ANGEL1: variants seen among roughly 807,000 people sequenced by gnomAD.
The protein encoded by ANGEL1 is RNA 2',3'-cyclic phosphatase ANGEL1.
ANGEL1 carries 62 observed loss-of-function variants against 76.4 expected under a neutral mutation model. That is an observed-to-expected ratio of 0.81 (90% CI 0.66 to 1.00). The LOEUF (loss-of-function observed/expected upper bound fraction) is 1.00. Ranked by LOEUF, ANGEL1 falls within the 50% of genes least tolerant of loss-of-function variation. The probability of loss-of-function intolerance (pLI) is 0.00; values close to 1 mark genes in which losing one functional copy is unlikely to be tolerated. For missense variants in ANGEL1, 737 were observed against 836.7 expected (o/e 0.88, Z 1.47); for synonymous variants, 340 against 331.7 (o/e 1.03, Z -0.27).
intron 7 of ANGEL1, among the ~76,000 whole-genome samples, chr14:76,796,617 A>T (rs1207945789): frequency 2.6e-5 from 4 of 152,058 alleles, no homozygotes; most frequent in Non-Finnish European, 5.9e-5. Context: ...ATCAATTCCT[A>T]AGAATTTCCT....
intron 7 of ANGEL1, among the ~76,000 whole-genome samples, chr14:76,796,240 A>AT (rs963242473): frequency 8.2e-5 from 12 of 147,200 alleles, no homozygotes; most frequent in East Asian, 2.0e-4. Context: ...AGTTCATAGT[A>AT]TTTTTTTTCT....
chr14:76,799,278 C>CTTTTTTT lies in ANGEL1; in HGVS notation c.1618+4086_1618+4092dup, dbSNP rs71122579. ...CTCGTTGTACTCCATTCATGGCCTC[C>CTTTTTTT]TTTTTTTTTTTTTTTTTTTTTTTTT... is the stretch of plus-strand genomic sequence containing the variant. On this transcript the variant is annotated intron_variant, in intron 7 of 9. Transcript: ENST00000251089. Among the ~76,000 whole-genome samples, 309 of 52,386 alleles carry CTTTTTTT rather than the reference C, an allele frequency of 5.9e-3. 54 individuals are homozygous for CTTTTTTT. The highest frequency in any genetic ancestry group is 0.022 in the East Asian group (30 of 1,368). The allele number at this position is 52,386 out of a possible 152,430, so 34.4% of individuals were successfully genotyped here.
At chr14:76,812,350 G>C in intron 1 of ANGEL1, 1 of 1,026,164 alleles carries the variant, frequency 9.7e-7, no homozygotes, top group Non-Finnish European at 1.2e-6. Context: ...AAACCTCCCA[G>C]AGCCGACCCG....
At chr14:76,809,024 T>G in intron 2 of ANGEL1, 35 bp downstream of exon 2, 1 of 1,570,658 alleles carries the variant, frequency 6.4e-7, no homozygotes, top group Non-Finnish European at 8.7e-7. Context: ...AGACACCCTG[T>G]TCCCTTGGCT....
Position 76,806,561 on chromosome 14 carries a change from G to A in ANGEL1, c.1235C>T (p.Ala412Val), listed in dbSNP as rs780674682. ...CAGTCTGGCCACCTTGTCCACTTCC[G>A]CCAGGAGAATGGCCATCTGGGCCAG... Reference protein sequence around the residue: ...VKLAQMAILLAEVDKVARLSD... With the variant: ...VKLAQMAILLVEVDKVARLSD... Residue 412 changes from alanine to valine, a missense_variant, in exon 5 of 10, where the codon GCG becomes GTG. Transcript: ENST00000251089. The A allele has an allele frequency of 5.0e-6, 8 of 1,614,150 alleles. No individual in the cohort carries two copies. Among genetic ancestry groups the A allele is most frequent in the South Asian group, 1.1e-5 (1 of 91,084 alleles).
chr14:76,807,411 G>A, intron 4 of ANGEL1, 22 bp downstream of exon 4: 2 of 1,603,592 alleles, frequency 1.2e-6, no homozygotes, highest in South Asian at 1.1e-5. Context: ...AAGCTGGCAA[G>A]CATCCCAGGG....
chr14:76,790,513 AAT>A, intron 9 of ANGEL1, 96 bp downstream of exon 9: 1 of 1,515,922 alleles, frequency 6.6e-7, no homozygotes. Flanking sequence ...TTGCTGGTTA[AAT>A]CCCAGCAGCT....
At chr14:76,797,599 C>T (rs961586381) in intron 7 of ANGEL1, among the ~76,000 whole-genome samples, 6 of 151,044 alleles carry the variant, frequency 4.0e-5, no homozygotes, top group Non-Finnish European at 8.9e-5. Flanking sequence ...GACTCCGTCT[C>T]GAAAAAAAAA....
At chr14:76,804,345 A>C in intron 5 of ANGEL1, 1 of 1,068,274 alleles carries the variant, frequency 9.4e-7, no homozygotes, top group Non-Finnish European at 1.1e-6. Flanking sequence ...ACAGGGTCAA[A>C]CCAAATGGGA....
chr14:76,809,720 C>T (rs1895030588), intron 1 of ANGEL1, 77 bp from the exon 2 acceptor site: 1 of 1,281,210 alleles, frequency 7.8e-7, no homozygotes, highest in Non-Finnish European at 1.1e-6. Context: ...AACATAAGCC[C>T]AATAAAAGCA....
At chr14:76,799,033 T>TCCAGTAC (rs938612505) in intron 7 of ANGEL1, among the ~76,000 whole-genome samples, 1 of 151,442 alleles carries the variant, frequency 6.6e-6, no homozygotes, top group Non-Finnish European at 1.5e-5. Context: ...CACAGAATGC[T>TCCAGTAC]CCAGTACAAT....
intron 1 of ANGEL1, among the ~76,000 whole-genome samples, chr14:76,812,120 T>C (rs1895104525): frequency 6.6e-6 from 1 of 152,192 alleles, no homozygotes; most frequent in Admixed American, 6.5e-5. Context: ...ACACCCCCTC[T>C]TTGAGGTATC....
At chr14:76,793,343 C>T (rs895119832) in intron 7 of ANGEL1, among the ~76,000 whole-genome samples, 6 of 73,692 alleles carry the variant, frequency 8.1e-5, no homozygotes, top group African/African-American at 1.6e-4. Context: ...AAAGGGGAGA[C>T]GGGAAAGAGG....
intron 7 of ANGEL1, among the ~76,000 whole-genome samples, chr14:76,797,643 G>C (rs1894622327): frequency 6.6e-6 from 1 of 152,198 alleles, no homozygotes. Context: ...CCTTTGCTGT[G>C]TGACTGTGTG....
chr14:76,792,763 T>C (rs1894444245), intron 7 of ANGEL1, among the ~76,000 whole-genome samples: 1 of 152,166 alleles, frequency 6.6e-6, no homozygotes, highest in Non-Finnish European at 1.5e-5. Flanking sequence ...AAAGAGAATC[T>C]ATGAAAAACT....
At chr14:76,803,947 C>A in intron 5 of ANGEL1, 35 bp from the exon 6 acceptor site, 1 of 1,614,052 alleles carries the variant, frequency 6.2e-7, no homozygotes. Flanking sequence ...ATAAGGAAAC[C>A]AAGATAGAAA....
At chr14:76,803,598 G>A in intron 6 of ANGEL1, 117 bp from the exon 7 acceptor site, 2 of 1,355,814 alleles carry the variant, frequency 1.5e-6, no homozygotes, top group South Asian at 1.3e-5. Context: ...CAGAAGACAA[G>A]GAGATTTTCC....
intron 6 of ANGEL1, 70 bp downstream of exon 6, chr14:76,803,715 CG>C (rs1315835227): frequency 2.6e-6 from 4 of 1,537,070 alleles, no homozygotes; most frequent in Non-Finnish European, 3.5e-6. Flanking sequence ...TTTTTCTTGT[CG>C]TTGAGACACC....
At chr14:76,810,320 C>A in intron 1 of ANGEL1, 1 of 413,428 alleles carries the variant, frequency 2.4e-6, no homozygotes, top group Non-Finnish European at 4.9e-6. Flanking sequence ...ACTTGGGAGG[C>A]TGAAATGAGA....
Sources: allele counts gnomAD v4.1 joint callset (sites outside exome capture counted in the v4.1 genomes callset), GRCh38; gene constraint gnomAD v4.1.1; transcripts MANE v1.5; gene names NCBI Gene and HGNC (gene_info 2026-07-23, HGNC 2026-07-21).